The following CARF variants were observed in gnomAD, a reference collection of about 807,000 sequenced individuals.
The protein encoded by CARF is calcium-responsive transcription factor.
CARF carries 57 observed loss-of-function variants against 82.0 expected under a neutral mutation model. That is an observed-to-expected ratio of 0.70 (90% CI 0.56 to 0.87). The LOEUF (loss-of-function observed/expected upper bound fraction) is 0.87, where lower values mean the gene tolerates loss of function less well. Among genes scored for constraint, CARF ranks in the 40% least tolerant of loss-of-function variants. CARF has a pLI of 0.00. For synonymous variants in CARF, 268 were observed against 290.1 expected (o/e 0.92, Z 0.77); for missense variants, 771 against 855.8 (o/e 0.90, Z 1.24).
intron 14 of CARF, among the ~76,000 whole-genome samples, chr2:202,978,869 G>T (rs2060134066): frequency 6.6e-6 from 1 of 152,148 alleles, no homozygotes; most frequent in Non-Finnish European, 1.5e-5. Flanking sequence ...AGAGGTTGAT[G>T]GATCTGAAGA....
intron 3 of CARF, chr2:202,924,861 G>A (rs557486958): frequency 3.6e-5 from 7 of 195,276 alleles, no homozygotes; most frequent in Admixed American, 5.7e-5. Flanking sequence ...AGAGCCTCCC[G>A]AGTCCCCTTA....
intron 5 of CARF, among the ~76,000 whole-genome samples, chr2:202,944,891 C>T (rs2058418374): frequency 6.7e-6 from 1 of 149,668 alleles, no homozygotes; most frequent in Non-Finnish European, 1.5e-5. Context: ...TATTTGAGTC[C>T]AAAAAAAAGT....
chr2:202,912,685 A>G lies in CARF; in HGVS notation c.-747A>G, dbSNP rs1192414367. ...CCCCAGAGGGGCAGGCTGGAGAAGG[A>G]GGAGGTTAGGTGTCTTCAGGAGGGT... On this transcript the variant is annotated 5_prime_UTR_variant, in exon 1 of 17. Coordinates refer to ENST00000438828, the MANE Select transcript of CARF (RefSeq NM_024744.17). The G allele has an allele frequency of 6.6e-6, 1 of 150,896 alleles. No individual in the cohort carries two copies. Among genetic ancestry groups the G allele is most frequent in the Non-Finnish European group, 1.5e-5 (1 of 67,618 alleles). 9.3% of individuals were successfully genotyped at this position (150,896 alleles called of 1,614,324 possible).
chr2:202,917,239 G>T (rs1264585010), intron 1 of CARF, among the ~76,000 whole-genome samples: 1 of 112,280 alleles, frequency 8.9e-6, no homozygotes, highest in African/African-American at 3.0e-5. Context: ...AAAAAAAAGC[G>T]CTGAGCTGCT....
rs1559299274 is a variant in CARF, at chr2:202,986,893, T to TAC, written c.*3270_*3271insCA. Reference sequence around the variant, plus strand: ...GTATATATATATATATATATATATATATATATATATATATAGCAACTTGAT... The same window carrying TAC: ...GTATATATATATATATATATATATATACATATATATATATATAGCAACTTGAT... On this transcript the variant is annotated 3_prime_UTR_variant, in exon 17 of 17. Transcript: ENST00000438828. The TAC allele has an allele frequency of 1.2e-3, 154 of 132,392 alleles. No homozygotes were observed. The highest frequency in any genetic ancestry group is 1.8e-3 in the Non-Finnish European group (107 of 61,132). 8.2% of individuals were successfully genotyped at this position (132,392 alleles called of 1,614,324 possible). A position where few individuals can be genotyped will look rare whatever the true frequency, so the allele number is the denominator to read the frequency against.
At chr2:202,972,178 G>C (rs2059815017) in intron 12 of CARF, among the ~76,000 whole-genome samples, 1 of 151,580 alleles carries the variant, frequency 6.6e-6, no homozygotes, top group Admixed American at 6.6e-5. Context: ...GTAGTACTCT[G>C]GTCTAAGTTT....
chr2:202,956,060 CT>C (rs2059023544), intron 8 of CARF, among the ~76,000 whole-genome samples: 1 of 151,398 alleles, frequency 6.6e-6, no homozygotes, highest in African/African-American at 2.4e-5. Context: ...CATTTATTTT[CT>C]TTCTTTGCTT....
At chr2:202,943,520 A>G (rs2058334239) in intron 5 of CARF, among the ~76,000 whole-genome samples, 1 of 150,972 alleles carries the variant, frequency 6.6e-6, no homozygotes, top group African/African-American at 2.4e-5. Context: ...TCAATTGGAA[A>G]TGTAACATAT....
chr2:202,950,497 ATAT>A (rs554416891), intron 5 of CARF, among the ~76,000 whole-genome samples: 119 of 152,272 alleles, frequency 7.8e-4, no homozygotes, highest in Non-Finnish European at 1.2e-3. Flanking sequence ...ATTTAAAACA[ATAT>A]TATTACTGTT....
At chr2:202,969,578 AAAATAAATAAATAAAT>A (rs55730144) in intron 10 of CARF, among the ~76,000 whole-genome samples, 4,326 of 144,392 alleles carry the variant, frequency 0.03, 211 homozygotes, top group African/African-American at 0.1. Context: ...TCCATCTCAA[AAAATAAATAAATAAAT>A]AAATAAATAA....
intron 3 of CARF, 31 bp downstream of exon 3, chr2:202,924,446 G>A (rs1429043109): frequency 1.3e-5 from 2 of 152,110 alleles, no homozygotes; most frequent in African/African-American, 2.4e-5. Context: ...TTTTACATAC[G>A]GCTATTTAGT....
intron 1 of CARF, among the ~76,000 whole-genome samples, chr2:202,917,236 A>AAAAAAAAAAC (rs1689893086): frequency 6.7e-6 from 1 of 149,966 alleles, no homozygotes; most frequent in Non-Finnish European, 1.5e-5. Context: ...AAAAAAAAAA[A>AAAAAAAAAAC]GCGCTGAGCT....
chr2:202,951,120 C>T (rs1230238606), intron 5 of CARF, among the ~76,000 whole-genome samples: 13 of 151,916 alleles, frequency 8.6e-5, no homozygotes. Context: ...GATCACGGCT[C>T]ACTGCAGCCT....
chr2:202,923,277 G>A lies in CARF; in HGVS notation c.-162-1020G>A, dbSNP rs187538517. Among the ~76,000 whole-genome samples the A allele has an allele frequency of 1.4e-3, 213 of 152,162 alleles. 4 individuals are homozygous for A. In the South Asian group the frequency reaches 0.027, roughly 19 times the overall value. ...AAATAAAGAATTCAGCAAAGTTTCC[G>A]GGTACAAAATTAATGTACACAATTA... On this transcript the variant is annotated intron_variant, in intron 2 of 16. Transcript: ENST00000438828.
At chr2:202,939,240 T>C (rs776459711) in intron 3 of CARF, among the ~76,000 whole-genome samples, 1 of 152,260 alleles carries the variant, frequency 6.6e-6, no homozygotes, top group Non-Finnish European at 1.5e-5. Context: ...CCCTGACTTA[T>C]ATTAATTCAA....
chr2:202,920,965 T>C (rs1253074341), intron 2 of CARF, among the ~76,000 whole-genome samples: 2 of 152,130 alleles, frequency 1.3e-5, no homozygotes, highest in Non-Finnish European at 1.5e-5. Context: ...ATTTTAAAAA[T>C]CAGGATAATC....
At chr2:202,962,823 T>C (rs2059378888) in intron 9 of CARF, 1 of 152,228 alleles carries the variant, frequency 6.6e-6, no homozygotes, top group African/African-American at 2.4e-5. Flanking sequence ...TTCCAGCATG[T>C]GACCAAACCA....
chr2:202,977,005 A>G (rs558872530), intron 13 of CARF, among the ~76,000 whole-genome samples: 3 of 152,320 alleles, frequency 2.0e-5, no homozygotes, highest in East Asian at 1.9e-4. Flanking sequence ...ACCCAGCCCA[A>G]TAACTCTTAA....
intron 9 of CARF, chr2:202,961,636 G>T (rs2059325758): frequency 3.7e-6 from 2 of 547,392 alleles, no homozygotes; most frequent in Non-Finnish European, 6.4e-6. Flanking sequence ...GAATAAATAA[G>T]ACTTCTTTCA....
Sources: gnomAD v4.1 joint callset for allele counts (sites outside exome capture counted in the v4.1 genomes callset) on GRCh38, gnomAD v4.1.1 for gene constraint, MANE v1.5 for transcripts, NCBI Gene and HGNC (gene_info 2026-07-23, HGNC 2026-07-21) for gene names.